Variants in SAMD4A observed in about 807,000 individuals in gnomAD.
SAMD4A encodes the protein sterile alpha motif domain containing 4A.
A neutral mutation model predicts 81.3 loss-of-function variants in SAMD4A; 33 were observed. The observed-to-expected ratio is 0.41, with a 90% CI of 0.31 to 0.54. SAMD4A has a LOEUF of 0.54. SAMD4A is among the 20% of genes least tolerant of loss of function. The pLI, the probability that SAMD4A is intolerant of heterozygous loss-of-function variation, is 0.37. For missense variants in SAMD4A, 854 were observed against 951.1 expected, an observed-to-expected ratio of 0.90 and a Z score of 1.34; for synonymous variants, 389 against 382.1, an observed-to-expected ratio of 1.02 and a Z score of -0.21.
intron 9 of SAMD4A, among the ~76,000 whole-genome samples, chr14:54,772,168 A>G (rs2038723451): frequency 6.6e-6 from 1 of 152,228 alleles, no homozygotes; most frequent in Non-Finnish European, 1.5e-5. Flanking sequence ...TTGAATTATC[A>G]CAAATCCCAA....
rs565659879 is a variant in SAMD4A, at chr14:54,665,883, C to T, written c.197-36179C>T. Among the ~76,000 whole-genome samples, 6 of 152,148 alleles carry T rather than the reference C, an allele frequency of 3.9e-5. No individual in the cohort carries two copies. The South Asian group carries it at 1.2e-3, about 32-fold the overall frequency. On this transcript the variant is annotated intron_variant, in intron 2 of 12. Coordinates refer to ENST00000554335, the MANE Select transcript of SAMD4A (RefSeq NM_015589.6). ...AAGGGGCTTGTCTCAACCTGAAACC[C>T]CATTTTCCTTACGTTTAGCAATAAT...
At chr14:54,620,954 A>AT (rs746406787) in intron 2 of SAMD4A, among the ~76,000 whole-genome samples, 4 of 152,072 alleles carry the variant, frequency 2.6e-5, no homozygotes, top group Admixed American at 6.5e-5. Flanking sequence ...GAGATGAAAC[A>AT]TTTTTTTGTC....
At chr14:54,656,067 A>G (rs2035514398) in intron 2 of SAMD4A, among the ~76,000 whole-genome samples, 1 of 152,234 alleles carries the variant, frequency 6.6e-6, no homozygotes, top group African/African-American at 2.4e-5. Flanking sequence ...AATACTTAAT[A>G]TTATTACTAA....
intron 6 of SAMD4A, among the ~76,000 whole-genome samples, chr14:54,753,112 C>T (rs562035718): frequency 1.1e-4 from 17 of 152,218 alleles, no homozygotes; most frequent in Non-Finnish European, 2.4e-4. Flanking sequence ...CAGTGGCCTT[C>T]CTCTATCTCA....
chr14:54,641,079 G>A (rs1447102201), intron 2 of SAMD4A, among the ~76,000 whole-genome samples: 1 of 152,162 alleles, frequency 6.6e-6, no homozygotes, highest in Non-Finnish European at 1.5e-5. Context: ...TCATTCAGCA[G>A]TCTGTTGAAA....
Position 54,790,640 on chromosome 14 carries a change from CTGTT to C in SAMD4A, c.*1701_*1704del, listed in dbSNP as rs2039241954. The C allele has an allele frequency of 6.6e-6, 1 of 150,990 alleles. No individual in the cohort carries two copies. The highest frequency in any genetic ancestry group is 1.5e-5 in the Non-Finnish European group (1 of 67,940). The allele number at this position is 150,990 out of a possible 1,614,324, so 9.4% of individuals were successfully genotyped here. ...CAAGATCAGGGAGATGGTACAAGGC[CTGTT>C]TGTTACATGGATGAGTCGGGTGCCT... On this transcript the variant is annotated 3_prime_UTR_variant, in exon 13 of 13. Coordinates refer to ENST00000554335, the MANE Select transcript of SAMD4A (RefSeq NM_015589.6).
At position 54,748,842 on chromosome 14, in the gene SAMD4A, G is replaced by A. The variant is rs766039542; in HGVS notation, c.1007G>A (p.Arg336His). Residue 336 changes from arginine (R) to histidine (H), a missense_variant, in exon 5 of 13, where the codon CGC becomes CAC. By Grantham distance (29) the Arg-to-His change is conservative (BLOSUM62 0). Around this residue, in one of 3 missense-constraint regions of SAMD4A, gnomAD observed 39 missense variants for 74.1 expected, o/e 0.53. Transcript: ENST00000554335. ...KDVPAWLKSL[R>H]LHKYAALFSQ... The stretch of plus-strand genomic sequence containing the variant: ...GTTCCAGCCTGGCTGAAAAGCCTCC[G>A]CCTGCACAAATATGCCGCGCTTTTC... 6.4e-7 allele frequency: 1 copy of A among 1,553,794 alleles called. No homozygotes were observed.
At chr14:54,626,082 G>A (rs752945074) in intron 2 of SAMD4A, among the ~76,000 whole-genome samples, 22 of 149,534 alleles carry the variant, frequency 1.5e-4, no homozygotes, top group South Asian at 2.1e-4. Context: ...GCGCGAGTGC[G>A]CACATGTGCA....
intron 2 of SAMD4A, among the ~76,000 whole-genome samples, chr14:54,568,629 G>C (rs986194156): frequency 6.9e-6 from 1 of 143,914 alleles, no homozygotes; most frequent in East Asian, 2.0e-4. Context: ...TCTGGTTTTA[G>C]AGCTTCGTCT....
intron 6 of SAMD4A, among the ~76,000 whole-genome samples, chr14:54,758,826 T>C (rs2038314562): frequency 6.6e-6 from 1 of 150,510 alleles, no homozygotes; most frequent in East Asian, 1.9e-4. Context: ...TAAGACTCTG[T>C]CTCCAAAAAA....
At chr14:54,652,336 G>C (rs1230336825) in intron 2 of SAMD4A, among the ~76,000 whole-genome samples, 1 of 152,192 alleles carries the variant, frequency 6.6e-6, no homozygotes, top group Non-Finnish European at 1.5e-5. Flanking sequence ...TAGCTAACCA[G>C]TGTCATTTGG....
chr14:54,681,060 G>A (rs2036112260), intron 2 of SAMD4A, among the ~76,000 whole-genome samples: 1 of 152,166 alleles, frequency 6.6e-6, no homozygotes, highest in Non-Finnish European at 1.5e-5. Context: ...AAACTGTAAG[G>A]CTTCGCTGTG....
chr14:54,630,918 G>A (rs866782965), intron 2 of SAMD4A, among the ~76,000 whole-genome samples: 2,357 of 117,954 alleles, frequency 0.02, 48 homozygotes, highest in Admixed American at 0.051. Flanking sequence ...ATGTGTGTGT[G>A]TGTGTGTGTG....
chr14:54,669,434 A>G (rs947695088), intron 2 of SAMD4A, among the ~76,000 whole-genome samples: 1 of 148,916 alleles, frequency 6.7e-6, no homozygotes, highest in Admixed American at 6.9e-5. Context: ...TTTTAGAAGC[A>G]ACGCTTCTTT....
intron 4 of SAMD4A, among the ~76,000 whole-genome samples, chr14:54,745,466 C>T (rs1264849225): frequency 6.6e-6 from 1 of 152,178 alleles, no homozygotes; most frequent in Non-Finnish European, 1.5e-5. Context: ...CCCTCGCTCC[C>T]CATGGCAAAC....
chr14:54,769,472 A>T (rs1470398683), intron 8 of SAMD4A, among the ~76,000 whole-genome samples: 5 of 152,212 alleles, frequency 3.3e-5, no homozygotes, highest in Non-Finnish European at 5.9e-5. Flanking sequence ...CAAAACACAC[A>T]CACCAGTTTT....
At chr14:54,693,530 A>T (rs1295715659) in intron 2 of SAMD4A, 1 of 152,202 alleles carries the variant, frequency 6.6e-6, no homozygotes, top group Non-Finnish European at 1.5e-5. Context: ...AAAAAATACA[A>T]AAATTAGCCA....
At chr14:54,594,519 C>A (rs1392184311) in intron 2 of SAMD4A, among the ~76,000 whole-genome samples, 3 of 152,082 alleles carry the variant, frequency 2.0e-5, no homozygotes, top group Admixed American at 6.5e-5. Context: ...TTTCTCCTGG[C>A]TAGAAGTAAG....
chr14:54,680,593 A>G (rs950013497), intron 2 of SAMD4A, among the ~76,000 whole-genome samples: 1 of 152,266 alleles, frequency 6.6e-6, no homozygotes, highest in African/African-American at 2.4e-5. Flanking sequence ...AAAAGTGACT[A>G]TTAGTTGAAA....
Sources: gnomAD v4.1 joint callset for allele counts (sites outside exome capture counted in the v4.1 genomes callset) on GRCh38, gnomAD v4.1.1 for gene constraint, gnomAD v4.1.1 regional missense constraint, MANE v1.5 for transcripts, NCBI Gene and HGNC (gene_info 2026-07-23, HGNC 2026-07-21) for gene names.